Variants in WDR17 observed in about 807,000 individuals in gnomAD.
The protein encoded by WDR17 is WD repeat-containing protein 17.
WDR17 carries 143 observed loss-of-function variants against 161.7 expected under a neutral mutation model. That is an observed-to-expected ratio of 0.88 (90% CI 0.77 to 1.02). WDR17 has a LOEUF of 1.02. Ranked by LOEUF, WDR17 falls within the 50% of genes least tolerant of loss-of-function variation. The pLI, the probability that WDR17 is intolerant of heterozygous loss-of-function variation, is 0.00. For missense variants in WDR17, 1,469 were observed against 1,520.9 expected, an observed-to-expected ratio of 0.97 and a Z score of 0.57; for synonymous variants, 517 against 515.6, an observed-to-expected ratio of 1.00 and a Z score of -0.04.
At chr4:176,092,385 T>G (rs1205186603) in intron 1 of WDR17, among the ~76,000 whole-genome samples, 5 of 140,914 alleles carry the variant, frequency 3.5e-5, no homozygotes, top group African/African-American at 1.2e-4. Context: ...ATTTAGAAAA[T>G]TCAGCATTCC....
At chr4:176,100,391 T>G (rs1737630144) in intron 1 of WDR17, among the ~76,000 whole-genome samples, 1 of 152,168 alleles carries the variant, frequency 6.6e-6, no homozygotes, top group African/African-American at 2.4e-5. Context: ...TTTAGAAAAA[T>G]GTCTACTCAT....
Position 176,089,126 on chromosome 4 carries a change from C to T in WDR17, c.-6-22449C>T, listed in dbSNP as rs1463633894. ...GCTGTGGATTTTTAGTATGTAATTT[C>T]TTTTTATTTAGATTACGTACCTGAA... is the stretch of plus-strand genomic sequence containing the variant. On this transcript the variant is annotated intron_variant, in intron 1 of 28. Transcript: ENST00000508596. 2.0e-5 allele frequency among the ~76,000 whole-genome samples: 3 copies of T among 151,954 alleles called. No individual in the cohort carries two copies. In the East Asian group the frequency reaches 5.8e-4, roughly 29 times the overall value.
intron 1 of WDR17, among the ~76,000 whole-genome samples, chr4:176,093,538 A>G (rs1003402417): frequency 2.6e-5 from 4 of 152,180 alleles, no homozygotes; most frequent in South Asian, 2.1e-4. Flanking sequence ...ATTTATTTCT[A>G]TCACTAATTT....
intron 1 of WDR17, among the ~76,000 whole-genome samples, chr4:176,105,559 G>A (rs999641031): frequency 1.3e-5 from 2 of 152,162 alleles, no homozygotes; most frequent in South Asian, 4.1e-4. Flanking sequence ...ATCAATAACA[G>A]AAAGAAAACT....
intron 1 of WDR17, among the ~76,000 whole-genome samples, chr4:176,109,141 C>A (rs570192941): frequency 6.6e-6 from 1 of 152,074 alleles, no homozygotes; most frequent in Non-Finnish European, 1.5e-5. Context: ...AATTATGTTT[C>A]TTTTCCAAAT....
intron 1 of WDR17, among the ~76,000 whole-genome samples, chr4:176,103,005 CA>C (rs1404344395): frequency 3.3e-5 from 5 of 152,290 alleles, no homozygotes; most frequent in Middle Eastern, 3.4e-3. Flanking sequence ...CACAGAAGTG[CA>C]GACAAAGAGG....
chr4:176,110,552 C>T (rs1739540909), intron 1 of WDR17, among the ~76,000 whole-genome samples: 1 of 152,148 alleles, frequency 6.6e-6, no homozygotes, highest in African/African-American at 2.4e-5. Flanking sequence ...TAGATAACCA[C>T]ATAGTTTAAT....
chr4:176,114,930 A>G (rs1165312500), intron 2 of WDR17, among the ~76,000 whole-genome samples: 4 of 151,694 alleles, frequency 2.6e-5, no homozygotes, highest in Non-Finnish European at 5.9e-5. Flanking sequence ...TAATAGAGAA[A>G]CAAGAAGTTC....
intron 27 of WDR17, 47 bp downstream of exon 27, chr4:176,177,203 T>C: frequency 6.6e-7 from 1 of 1,507,992 alleles, no homozygotes; most frequent in Non-Finnish European, 9.2e-7. Context: ...GTATTTGATG[T>C]TATAGACAAA....
Position 176,111,769 on chromosome 4 carries a change from T to C in WDR17, c.123+66T>C, listed in dbSNP as rs531539442. 31 of 1,345,204 alleles carry C rather than the reference T, an allele frequency of 2.3e-5. No homozygotes were observed. The South Asian group carries it at 4.6e-4, about 20-fold the overall frequency. The allele number at this position is 1,345,204 out of a possible 1,614,324, so 83.3% of individuals were successfully genotyped here. A position where few individuals can be genotyped will look rare whatever the true frequency, so the allele number is the denominator to read the frequency against. On this transcript the variant is annotated intron_variant, in intron 2 of 28. Transcript: ENST00000508596. ...AAAATTAATATTTAATTAATACATA[T>C]TTTAAGTCCTTGTTACATGAAAAAC...
At chr4:176,141,729 G>A (rs530517250) in intron 10 of WDR17, among the ~76,000 whole-genome samples, 4 of 152,186 alleles carry the variant, frequency 2.6e-5, no homozygotes, top group East Asian at 3.9e-4. Flanking sequence ...CACCGTGCCC[G>A]GCCAAGAAAA....
intron 1 of WDR17, among the ~76,000 whole-genome samples, chr4:176,100,578 C>T (rs1163722457): frequency 6.6e-6 from 1 of 151,654 alleles, no homozygotes; most frequent in Admixed American, 6.6e-5. Flanking sequence ...TGCAGGAGCT[C>T]TTTAGTTTAA....
At chr4:176,136,189 C>T (rs2126773124) in intron 8 of WDR17, among the ~76,000 whole-genome samples, 1 of 151,690 alleles carries the variant, frequency 6.6e-6, no homozygotes, top group Non-Finnish European at 1.5e-5. Flanking sequence ...TCATCTCCTA[C>T]AATGAGGAGA....
intron 3 of WDR17, among the ~76,000 whole-genome samples, chr4:176,119,082 G>A (rs1741121703): frequency 6.6e-6 from 1 of 151,934 alleles, no homozygotes; most frequent in African/African-American, 2.4e-5. Flanking sequence ...TATCAGTGTT[G>A]GAAGATGTGC....
At chr4:176,118,302 G>A (rs780906157) in intron 3 of WDR17, among the ~76,000 whole-genome samples, 1 of 152,070 alleles carries the variant, frequency 6.6e-6, no homozygotes, top group African/African-American at 2.4e-5. Context: ...ATATACAGTC[G>A]GAGAACCAGT....
chr4:176,105,516 G>T (rs1452266688), intron 1 of WDR17, among the ~76,000 whole-genome samples: 1 of 151,564 alleles, frequency 6.6e-6, no homozygotes, highest in Non-Finnish European at 1.5e-5. Context: ...CATACATTAT[G>T]TCTTCTCTGA....
chr4:176,155,713 T>TAA (rs200103583), intron 17 of WDR17, among the ~76,000 whole-genome samples: 1,488 of 60,266 alleles, frequency 0.025, 17 homozygotes, highest in Non-Finnish European at 0.031. Flanking sequence ...TCTGACTAAT[T>TAA]AAAATATATA....
intron 17 of WDR17, among the ~76,000 whole-genome samples, chr4:176,155,716 A>AATATATATATATATATATATATAT (rs113370958): frequency 2.8e-4 from 37 of 130,272 alleles, no homozygotes; most frequent in African/African-American, 8.9e-4. Context: ...GACTAATTAA[A>AATATATATATATATATATATATAT]ATATATATAT....
chr4:176,159,296 CAT>C (rs1443985959), intron 18 of WDR17, among the ~76,000 whole-genome samples: 18 of 141,338 alleles, frequency 1.3e-4, no homozygotes, highest in African/African-American at 3.7e-4. Flanking sequence ...CACACACACA[CAT>C]ACACACACAC....
Sources: allele counts gnomAD v4.1 joint callset (sites outside exome capture counted in the v4.1 genomes callset), GRCh38; gene constraint gnomAD v4.1.1; transcripts MANE v1.5; gene names NCBI Gene and HGNC (gene_info 2026-07-23, HGNC 2026-07-21).